TBC1D22A: variants seen among roughly 807,000 people sequenced by gnomAD.
The protein encoded by TBC1D22A is putative GTPase activator.
In TBC1D22A, 38 loss-of-function variants were observed where a neutral mutation model predicts 60.2. The ratio of observed to expected loss-of-function variants is 0.63; its 90% CI spans 0.49 to 0.83. The LOEUF (loss-of-function observed/expected upper bound fraction) is 0.83. Among genes scored for constraint, TBC1D22A ranks in the 40% least tolerant of loss-of-function variants. The pLI is 0.00. For synonymous variants in TBC1D22A, 302 were observed against 281.7 expected, an observed-to-expected ratio of 1.07 and a Z score of -0.72; for missense variants, 628 against 701.0, an observed-to-expected ratio of 0.90 and a Z score of 1.18.
intron 4 of TBC1D22A, among the ~76,000 whole-genome samples, chr22:46,841,691 C>T (rs1401152681): frequency 2.0e-5 from 3 of 152,136 alleles, no homozygotes; most frequent in African/African-American, 7.2e-5. Flanking sequence ...TGGAGGGCTG[C>T]AAAGTGGGGA....
intron 12 of TBC1D22A, among the ~76,000 whole-genome samples, chr22:47,167,916 C>T (rs78880770): frequency 2.3e-3 from 356 of 152,292 alleles, no homozygotes; most frequent in African/African-American, 8.3e-3. Flanking sequence ...TCAGGTTTCA[C>T]TGGGGACCCA....
intron 12 of TBC1D22A, among the ~76,000 whole-genome samples, chr22:47,127,903 C>G (rs2066522341): frequency 6.7e-6 from 1 of 149,114 alleles, no homozygotes; most frequent in East Asian, 2.0e-4. Flanking sequence ...GAGGAGCCCC[C>G]TGAGGTGAGG....
intron 10 of TBC1D22A, among the ~76,000 whole-genome samples, chr22:46,998,628 C>T (rs1349708806): frequency 2.0e-5 from 3 of 152,252 alleles, no homozygotes; most frequent in Admixed American, 6.5e-5. Context: ...GCAGTCTTCA[C>T]GGGAAGGGCG....
At chr22:46,797,387 G>A (rs1212935707) in intron 3 of TBC1D22A, 57 bp from the exon 4 acceptor site, 1 of 1,590,306 alleles carries the variant, frequency 6.3e-7, no homozygotes, top group African/African-American at 1.3e-5. Flanking sequence ...CAGCAAGGAG[G>A]AACGTGTAGT....
At chr22:46,846,983 T>C (rs2087027490) in intron 4 of TBC1D22A, among the ~76,000 whole-genome samples, 1 of 152,082 alleles carries the variant, frequency 6.6e-6, no homozygotes, top group South Asian at 2.1e-4. Flanking sequence ...TAGGCGGGTG[T>C]CCCCTTCTGT....
At chr22:47,147,969 G>A (rs2147164562) in intron 12 of TBC1D22A, among the ~76,000 whole-genome samples, 1 of 152,274 alleles carries the variant, frequency 6.6e-6, no homozygotes, top group African/African-American at 2.4e-5. Context: ...GGGAGGGCTG[G>A]GGAAGCTCCC....
intron 12 of TBC1D22A, among the ~76,000 whole-genome samples, chr22:47,125,744 C>T (rs76150933): frequency 1.3e-5 from 2 of 152,276 alleles, no homozygotes; most frequent in African/African-American, 4.8e-5. Flanking sequence ...AACTTCCCAG[C>T]ATCTCTTTGA....
Position 47,038,986 on chromosome 22 carries a change from G to A in TBC1D22A, c.1329+1788G>A, listed in dbSNP as rs188439737. On this transcript the variant is annotated intron_variant, in intron 11 of 12. Transcript: ENST00000337137. ...TAAATTGCGAATGCTGTCCGTTTTT[G>A]TGATTGGTTAGGCTGTTTGAGACCC... Among the ~76,000 whole-genome samples, 57 of 152,328 alleles carry A rather than the reference G, an allele frequency of 3.7e-4. No individual in the cohort carries two copies. The East Asian group carries it at 9.8e-3, about 26-fold the overall frequency.
intron 12 of TBC1D22A, among the ~76,000 whole-genome samples, chr22:47,162,468 A>G (rs185080006): frequency 6.6e-6 from 1 of 152,328 alleles, no homozygotes; most frequent in Non-Finnish European, 1.5e-5. Context: ...AGCCTCCTGC[A>G]TAGCCCAGGG....
chr22:46,881,005 G>C (rs1411452716), intron 5 of TBC1D22A, among the ~76,000 whole-genome samples: 1 of 152,150 alleles, frequency 6.6e-6, no homozygotes, highest in African/African-American at 2.4e-5. Context: ...AGTGTTGTTA[G>C]TGTTCTCTCT....
At chr22:46,827,790 A>T (rs2086134371) in intron 4 of TBC1D22A, among the ~76,000 whole-genome samples, 1 of 152,092 alleles carries the variant, frequency 6.6e-6, no homozygotes, top group African/African-American at 2.4e-5. Context: ...AGGATGATGG[A>T]TGATGGGCCA....
At chr22:46,995,006 C>T (rs1020872791) in intron 9 of TBC1D22A, among the ~76,000 whole-genome samples, 14 of 152,262 alleles carry the variant, frequency 9.2e-5, no homozygotes, top group African/African-American at 3.4e-4. Flanking sequence ...GCGGCTCCCT[C>T]TCAGCCGGAC....
At chr22:47,031,013 C>T (rs1235949868) in intron 10 of TBC1D22A, among the ~76,000 whole-genome samples, 2 of 152,232 alleles carry the variant, frequency 1.3e-5, no homozygotes, top group African/African-American at 2.4e-5. Context: ...AAGAAGGACA[C>T]TCCCCGGTGC....
chr22:46,853,750 C>T (rs1246763751), intron 4 of TBC1D22A, among the ~76,000 whole-genome samples: 3 of 152,182 alleles, frequency 2.0e-5, no homozygotes, highest in African/African-American at 7.2e-5. Flanking sequence ...CATTGTTCAA[C>T]AGATACTTAC....
chr22:46,963,401 G>A (rs1004190298), intron 8 of TBC1D22A, among the ~76,000 whole-genome samples: 1 of 75,054 alleles, frequency 1.3e-5, no homozygotes. Context: ...GGCCCAGGGA[G>A]CCTTCAGAGA....
intron 11 of TBC1D22A, among the ~76,000 whole-genome samples, chr22:47,049,225 C>T (rs1223524657): frequency 6.6e-6 from 1 of 152,250 alleles, no homozygotes; most frequent in Non-Finnish European, 1.5e-5. Flanking sequence ...CAACCTTCGG[C>T]TTTGCGCCAC....
At chr22:46,926,229 C>CTT (rs1031534276) in intron 8 of TBC1D22A, among the ~76,000 whole-genome samples, 8 of 152,142 alleles carry the variant, frequency 5.3e-5, no homozygotes, top group African/African-American at 1.9e-4. Flanking sequence ...AAATCATTAA[C>CTT]TTTCCACTTT....
intron 12 of TBC1D22A, among the ~76,000 whole-genome samples, chr22:47,172,022 A>G (rs2068487893): frequency 1.5e-5 from 1 of 67,854 alleles, no homozygotes; most frequent in Admixed American, 1.4e-4. Context: ...CCTACCCAGC[A>G]CTCCCAGTGA....
At chr22:46,873,091 T>C (rs932639812) in intron 4 of TBC1D22A, among the ~76,000 whole-genome samples, 2 of 152,146 alleles carry the variant, frequency 1.3e-5, no homozygotes, top group Non-Finnish European at 2.9e-5. Flanking sequence ...ACTTGGGATA[T>C]CTGGCATTCA....
Sources: allele counts gnomAD v4.1 joint callset (sites outside exome capture counted in the v4.1 genomes callset), GRCh38; gene constraint gnomAD v4.1.1; transcripts MANE v1.5; gene names NCBI Gene and HGNC (gene_info 2026-07-23, HGNC 2026-07-21).